The following LFNG variants were observed in gnomAD, a reference collection of about 807,000 sequenced individuals.
The protein encoded by LFNG is beta-1,3-N-acetylglucosaminyltransferase lunatic fringe.
LFNG carries 15 observed loss-of-function variants against 32.7 expected under a neutral mutation model. The ratio of observed to expected loss-of-function variants is 0.46; its 90% CI spans 0.31 to 0.71. LFNG has a LOEUF of 0.71. Ranked by LOEUF, LFNG falls within the 30% of genes least tolerant of loss-of-function variation. LFNG has a pLI of 0.06. For synonymous variants in LFNG, 274 were observed against 246.8 expected (o/e 1.11, Z -1.03); for missense variants, 520 against 545.7 (o/e 0.95, Z 0.47).
chr7:2,519,902 C>T lies in LFNG; in HGVS notation c.41C>T (p.Ala14Val). 8.2e-6 allele frequency: 9 copies of T among 1,096,826 alleles called. No homozygotes were observed. The highest frequency in any genetic ancestry group is 3.0e-5 in the South Asian group (1 of 33,224). The allele number at this position is 1,096,826 out of a possible 1,614,324, so 67.9% of individuals were successfully genotyped here. Residue 14 changes from alanine to valine, a missense_variant, in exon 1 of 8, where the codon GCG (alanine) becomes GTG (valine). Physicochemically the swap from Ala to Val is moderately conservative, Grantham distance 64. Transcript: ENST00000222725. ...GGCCGGCGCCTGCTGCTGGCGCTGG[C>T]GGGCGCGCTGCTCGCCTGCCTGCTG... The part of the protein sequence containing the change: ...RCGRRLLLAL[A>V]GALLACLLVL...
Position 2,527,066 on chromosome 7 carries a change from G to A in LFNG, c.1074-80G>A, listed in dbSNP as rs781221345. 5.3e-5 allele frequency: 79 copies of A among 1,485,906 alleles called. No individual in the cohort carries two copies. Among genetic ancestry groups the A allele is most frequent in the African/African-American group, 1.8e-4 (13 of 71,984 alleles). The allele number at this position is 1,485,906 out of a possible 1,614,324, so 92.0% of individuals were successfully genotyped here. ...AGTCCTGCTTGCTCGGGGTGGGGCC[G>A]CCAGTGTTGTGGGACTGCAAATGGG... On this transcript the variant is annotated intron_variant, in intron 7 of 7. Coordinates refer to ENST00000222725, the MANE Select transcript of LFNG (RefSeq NM_001040167.2). This position sits in a 1 kb window ranked among gnomAD's most constrained non-coding sequence, Gnocchi z 4.4.
chr7:2,526,822 C>G lies in LFNG; in HGVS notation c.988-14C>G. The G allele has an allele frequency of 6.2e-7, 1 of 1,611,918 alleles. No homozygotes were observed. The highest frequency in any genetic ancestry group is 1.3e-5 in the African/African-American group (1 of 74,958). ...TCGGGCCCCTCCCGGCATCACTCCG[C>G]CCGCTCCCCACAGGTGACGCTGAGC... On this transcript the variant is annotated splice_polypyrimidine_tract_variant and intron_variant, in intron 6 of 7. Coordinates refer to ENST00000222725, the MANE Select transcript of LFNG (RefSeq NM_001040167.2). The surrounding 1 kb of genome is among the most constrained non-coding windows in gnomAD (Gnocchi z 6.9).
chr7:2,519,879 C>T lies in LFNG; in HGVS notation c.18C>T (p.Gly6=), dbSNP rs1779733838. 9.1e-7 allele frequency: 1 copy of T among 1,104,332 alleles called. No homozygotes were observed. Among genetic ancestry groups the T allele is most frequent in the Non-Finnish European group, 1.1e-6 (1 of 902,598 alleles). The allele number at this position is 1,104,332 out of a possible 1,614,324, so 68.4% of individuals were successfully genotyped here. A position where few individuals can be genotyped will look rare whatever the true frequency, so the allele number is the denominator to read the frequency against. Residue 6 remains glycine (G), a synonymous_variant, in exon 1 of 8, where the codon GGC becomes GGT. Coordinates refer to ENST00000222725, the MANE Select transcript of LFNG (RefSeq NM_001040167.2). The part of the protein sequence containing the change: MLKRC[G]RRLLLALAGA... ...ACCCCACCATGCTCAAGCGCTGCGG[C>T]CGGCGCCTGCTGCTGGCGCTGGCGG...
Position 2,524,726 on chromosome 7 carries a change from C to A in LFNG, c.464C>A (p.Ala155Asp). Residue 155 changes from alanine (A) to aspartate (D), a missense_variant, in exon 2 of 8, where the codon GCC becomes GAC. This residue lies in a region of LFNG where 360 missense variants were observed against 354.7 expected (regional missense o/e 1.01). Transcript: ENST00000222725. The part of the protein sequence containing the change: ...TFIFTDGEDE[A>D]LARHTGNVVI... ...ATCTTCACTGACGGGGAAGATGAGG[C>A]CCTGGCCAGGCACACGGGTGAGCCC... is the stretch of plus-strand genomic sequence containing the variant. The A allele has an allele frequency of 6.3e-7, 1 of 1,590,516 alleles. No individual in the cohort carries two copies. Among genetic ancestry groups the A allele is most frequent in the Non-Finnish European group, 8.6e-7 (1 of 1,168,692 alleles).
downstream of LFNG, chr7:2,529,055 G>C: frequency 2.3e-6 from 1 of 425,814 alleles, no homozygotes; most frequent in East Asian, 3.6e-5. This position sits in a 1 kb window ranked among gnomAD's most constrained non-coding sequence, Gnocchi z 4.2. Flanking sequence ...AGGGGTGGTG[G>C]GAAGAGTCCT....
rs931315848 is a variant in LFNG at position 2,520,440 on chromosome 7, C to T, written c.432+147C>T. On this transcript the variant is annotated intron_variant, in intron 1 of 7. Transcript: ENST00000222725. This position sits in a 1 kb window ranked among gnomAD's most constrained non-coding sequence, Gnocchi z 5.0. Reference sequence around the variant, plus strand: ...TGGGCGACGCCAGTGCACCCCGGTGCACCCAGTTTGCCTGCTGGGGCCACT... The same window carrying T: ...TGGGCGACGCCAGTGCACCCCGGTGTACCCAGTTTGCCTGCTGGGGCCACT... 131 of 737,094 alleles carry T rather than the reference C, an allele frequency of 1.8e-4. No individual in the cohort carries two copies. Among genetic ancestry groups the T allele is most frequent in the Admixed American group, 3.1e-5 (1 of 32,632 alleles). The allele number at this position is 737,094 out of a possible 1,614,324, so 45.7% of individuals were successfully genotyped here. A position where few individuals can be genotyped will look rare whatever the true frequency, so the allele number is the denominator to read the frequency against.
Position 2,526,860 on chromosome 7 carries a change from G to A in LFNG, c.1012G>A (p.Glu338Lys). The change falls in exon 7 of 8, where the codon GAA (glutamate) becomes AAA (lysine). Residue 338 changes from glutamate (E) to lysine (K), a missense_variant. Transcript: ENST00000222725. This position sits in a 1 kb window ranked among gnomAD's most constrained non-coding sequence, Gnocchi z 6.9. ...EQVTLSYGMF[E>K]NKRNAVHVKG... ...GGTGACGCTGAGCTACGGTATGTTT[G>A]AAAACAAGCGGAACGCCGTCCACGT... 2 of 1,612,434 alleles carry A rather than the reference G, an allele frequency of 1.2e-6. No individual in the cohort carries two copies. The highest frequency in any genetic ancestry group is 1.1e-5 in the South Asian group (1 of 91,072).
chr7:2,526,763 C>A lies in LFNG; in HGVS notation c.988-73C>A. ...GGCAGGGCCGTTGCCTCACTCAGGG[C>A]TGTGTGGCCAGCCTGGGGCGGGGCC... On this transcript the variant is annotated intron_variant, in intron 6 of 7. Transcript: ENST00000222725. This position sits in a 1 kb window ranked among gnomAD's most constrained non-coding sequence, Gnocchi z 6.9. The A allele has an allele frequency of 2.1e-6, 3 of 1,425,168 alleles. No homozygotes were observed. Among genetic ancestry groups the A allele is most frequent in the Admixed American group, 1.7e-5 (1 of 58,692 alleles). The allele number at this position is 1,425,168 out of a possible 1,614,324, so 88.3% of individuals were successfully genotyped here.
intron 1 of LFNG, among the ~76,000 whole-genome samples, chr7:2,521,599 G>A (rs1461190428): frequency 1.3e-5 from 2 of 152,192 alleles, no homozygotes; most frequent in East Asian, 3.8e-4. Context: ...CCATCCCTGA[G>A]CCTGGCCCCC....
At chr7:2,516,599 G>A (rs894463901), upstream of LFNG, among the ~76,000 whole-genome samples, 3 of 152,232 alleles carry the variant, frequency 2.0e-5, no homozygotes, top group Non-Finnish European at 4.4e-5. Flanking sequence ...GCCTGATGGC[G>A]GCTAGAGGAG....
At position 2,528,176 on chromosome 7, in the gene LFNG, C is replaced by T; in HGVS notation, c.*964C>T. On this transcript the variant is annotated 3_prime_UTR_variant, in exon 8 of 8. Transcript: ENST00000222725. ...CTTTGTTTTTAAAGCTGAAGTGGGA[C>T]TGTCTGGCACTCTGTGTATTTATGC... The T allele has an allele frequency of 3.0e-6, 3 of 985,706 alleles. No homozygotes were observed. The highest frequency in any genetic ancestry group is 3.6e-6 in the Non-Finnish European group (3 of 829,906). 61.1% of individuals were successfully genotyped at this position (985,706 alleles called of 1,614,324 possible).
At chr7:2,518,565 T>C (rs1170629426), upstream of LFNG, 2 of 1,507,694 alleles carry the variant, frequency 1.3e-6, no homozygotes, top group African/African-American at 2.8e-5. Flanking sequence ...TGACACCAGG[T>C]CGCTGCTGTC....
chr7:2,514,759 C>T (rs983500600), upstream of LFNG, among the ~76,000 whole-genome samples: 9 of 151,334 alleles, frequency 5.9e-5, no homozygotes, highest in African/African-American at 1.9e-4. Context: ...TCCATCCATG[C>T]ATCCATCTGT....
Position 2,527,373 on chromosome 7 carries a change from AGCAGGCT to A in LFNG, c.*164_*170del. On this transcript the variant is annotated 3_prime_UTR_variant, in exon 8 of 8. Coordinates refer to ENST00000222725, the MANE Select transcript of LFNG (RefSeq NM_001040167.2). This position sits in a 1 kb window ranked among gnomAD's most constrained non-coding sequence, Gnocchi z 4.4. Reference sequence around the variant, plus strand: ...GTGTGTACTGCATGCCCACCCGGGTAGCAGGCTGCTGGGCAGTTCTGCTCTGTGGAGG... The same window carrying A: ...GTGTGTACTGCATGCCCACCCGGGTAGCTGGGCAGTTCTGCTCTGTGGAGG... 1 of 1,503,810 alleles carries A rather than the reference AGCAGGCT, an allele frequency of 6.6e-7. No individual in the cohort carries two copies. The highest frequency in any genetic ancestry group is 8.9e-7 in the Non-Finnish European group (1 of 1,128,828). The allele number at this position is 1,503,810 out of a possible 1,614,324, so 93.2% of individuals were successfully genotyped here.
chr7:2,522,571 C>CA (rs1779823806), intron 1 of LFNG, among the ~76,000 whole-genome samples: 3 of 151,442 alleles, frequency 2.0e-5, no homozygotes, highest in Admixed American at 6.6e-5. Context: ...GGGTGTCCCC[C>CA]GGCCCCCGCC....
chr7:2,522,138 G>A (rs556663383), intron 1 of LFNG, among the ~76,000 whole-genome samples: 7 of 152,284 alleles, frequency 4.6e-5, no homozygotes, highest in African/African-American at 9.6e-5. Flanking sequence ...AGGGCTGTGC[G>A]GGGGGAAAAC....
chr7:2,526,171 T>TG lies in LFNG; in HGVS notation c.822-71dup. On this transcript the variant is annotated intron_variant, in intron 5 of 7. Coordinates refer to ENST00000222725, the MANE Select transcript of LFNG (RefSeq NM_001040167.2). The surrounding 1 kb of genome is among the most constrained non-coding windows in gnomAD (Gnocchi z 6.9). ...CCCTGAGGAGTGCAGCGCCTTTGCCTGGTGGGGCCTCCCCAGCTCCCAGCA... is the reference window on the plus strand; with the variant it reads ...CCCTGAGGAGTGCAGCGCCTTTGCCTGGGTGGGGCCTCCCCAGCTCCCAGCA... 6.4e-7 allele frequency: 1 copy of TG among 1,556,120 alleles called. No individual in the cohort carries two copies. The highest frequency in any genetic ancestry group is 1.1e-5 in the South Asian group (1 of 89,580).
Position 2,526,786 on chromosome 7 carries a change from G to A in LFNG, c.988-50G>A, listed in dbSNP as rs1399696024. On this transcript the variant is annotated intron_variant, in intron 6 of 7. Coordinates refer to ENST00000222725, the MANE Select transcript of LFNG (RefSeq NM_001040167.2). This position sits in a 1 kb window ranked among gnomAD's most constrained non-coding sequence, Gnocchi z 6.9. Reference sequence around the variant, plus strand: ...GGCTGTGTGGCCAGCCTGGGGCGGGGCCCAGGGATGTCGGGCCCCTCCCGG... The same window carrying A: ...GGCTGTGTGGCCAGCCTGGGGCGGGACCCAGGGATGTCGGGCCCCTCCCGG... The A allele has an allele frequency of 1.6e-5, 25 of 1,563,698 alleles. No homozygotes were observed. The highest frequency in any genetic ancestry group is 2.2e-5 in the Non-Finnish European group (25 of 1,137,144).
Position 2,526,203 on chromosome 7 carries a change from T to TC in LFNG, c.822-38dup. On this transcript the variant is annotated intron_variant, in intron 5 of 7. Coordinates refer to ENST00000222725, the MANE Select transcript of LFNG (RefSeq NM_001040167.2). The surrounding 1 kb of genome is among the most constrained non-coding windows in gnomAD (Gnocchi z 6.9). ...GCCTCCCCAGCTCCCAGCAGATGGC[T>TC]CCCGCCTCTGCTCACTGGTCTGGGC... The TC allele has an allele frequency of 6.2e-7, 1 of 1,608,006 alleles. No homozygotes were observed. Among genetic ancestry groups the TC allele is most frequent in the South Asian group, 1.1e-5 (1 of 91,026 alleles).
Sources: allele counts gnomAD v4.1 joint callset (sites outside exome capture counted in the v4.1 genomes callset), GRCh38; gene constraint gnomAD v4.1.1; regional missense constraint gnomAD v4.1.1; non-coding constraint Gnocchi (gnomAD v3.1); transcripts MANE v1.5; gene names NCBI Gene and HGNC (gene_info 2026-07-23, HGNC 2026-07-21).